The following ASB3 variants were observed in gnomAD, a reference collection of about 807,000 sequenced individuals.
The protein encoded by ASB3 is ankyrin repeat and SOCS box protein 3.
ASB3 carries 41 observed loss-of-function variants against 54.5 expected under a neutral mutation model. The ratio of observed to expected loss-of-function variants is 0.75; its 90% CI spans 0.59 to 0.98. The LOEUF (loss-of-function observed/expected upper bound fraction) is 0.98, where lower values mean the gene tolerates loss of function less well. ASB3 is among the 50% of genes least tolerant of loss of function. ASB3 has a pLI of 0.00. For synonymous variants in ASB3, 266 were observed against 221.2 expected, an observed-to-expected ratio of 1.20 and a Z score of -1.80; for missense variants, 733 against 620.0, an observed-to-expected ratio of 1.18 and a Z score of -1.94.
chr2:53,786,545 G>A (rs1213329250), intron 1 of ASB3: 1 of 152,314 alleles, frequency 6.6e-6, no homozygotes, highest in Non-Finnish European at 1.5e-5. Flanking sequence ...CACAGCAGAA[G>A]AGATGGAGAT....
intron 1 of ASB3, among the ~76,000 whole-genome samples, chr2:53,784,209 A>G (rs1400600304): frequency 2.0e-5 from 3 of 152,236 alleles, no homozygotes; most frequent in Non-Finnish European, 4.4e-5. Flanking sequence ...ATGTTTAAGA[A>G]TCAACCTATA....
intron 1 of ASB3, among the ~76,000 whole-genome samples, chr2:53,772,881 C>G (rs769402814): frequency 6.6e-6 from 1 of 152,082 alleles, no homozygotes; most frequent in Non-Finnish European, 1.5e-5. Flanking sequence ...TCCACCCTCC[C>G]GTAGACCCCA....
At chr2:53,678,650 T>C (rs1668209957) in intron 9 of ASB3, among the ~76,000 whole-genome samples, 1 of 152,180 alleles carries the variant, frequency 6.6e-6, no homozygotes, top group East Asian at 1.9e-4. Context: ...CCTACGGATA[T>C]GTAGGTACAA....
At chr2:53,680,350 A>G (rs1379360128) in intron 9 of ASB3, among the ~76,000 whole-genome samples, 1 of 152,200 alleles carries the variant, frequency 6.6e-6, no homozygotes, top group Non-Finnish European at 1.5e-5. Context: ...AGTAGTTTAC[A>G]CTTCCATCAA....
chr2:53,720,212 G>C (rs564424083), intron 5 of ASB3, among the ~76,000 whole-genome samples: 10 of 151,178 alleles, frequency 6.6e-5, no homozygotes, highest in Admixed American at 6.6e-4. Context: ...ACTTTGAGTT[G>C]TCCCGCTTTT....
chr2:53,720,467 T>C (rs1267280739), intron 5 of ASB3, among the ~76,000 whole-genome samples: 2 of 151,846 alleles, frequency 1.3e-5, no homozygotes, highest in East Asian at 1.9e-4. Context: ...AAATTATATA[T>C]AAAAAAACCA....
At chr2:53,701,356 T>C (rs2103769315) in intron 7 of ASB3, among the ~76,000 whole-genome samples, 1 of 152,368 alleles carries the variant, frequency 6.6e-6, no homozygotes, top group South Asian at 2.1e-4. Flanking sequence ...TAACTTCTAT[T>C]ATTATCTCCA....
intron 3 of ASB3, among the ~76,000 whole-genome samples, chr2:53,742,578 C>T (rs975562009): frequency 6.6e-5 from 10 of 151,826 alleles, no homozygotes; most frequent in Non-Finnish European, 1.0e-4. Context: ...CACTGAAATA[C>T]AAGTGCTCAG....
intron 1 of ASB3, chr2:53,768,232 C>A: frequency 5.4e-6 from 3 of 558,224 alleles, no homozygotes; most frequent in East Asian, 3.1e-5. Flanking sequence ...CTTAAGATGC[C>A]GGTGGTTAGT....
At chr2:53,738,572 T>G (rs977975024) in intron 3 of ASB3, among the ~76,000 whole-genome samples, 1 of 152,186 alleles carries the variant, frequency 6.6e-6, no homozygotes, top group African/African-American at 2.4e-5. Context: ...CAAGTTCTAT[T>G]GGGTAGGACT....
At chr2:53,750,356 G>A (rs1186367526) in intron 3 of ASB3, among the ~76,000 whole-genome samples, 2 of 152,026 alleles carry the variant, frequency 1.3e-5, no homozygotes, top group African/African-American at 4.8e-5. Flanking sequence ...ATCCATACAG[G>A]CAACACATTA....
chr2:53,714,619 A>G (rs1334538969), intron 6 of ASB3, 38 bp from the exon 7 acceptor site: 2 of 1,601,080 alleles, frequency 1.2e-6, no homozygotes, highest in East Asian at 2.2e-5. Context: ...TAGTGTTTGT[A>G]TATGTGCATA....
intron 8 of ASB3, among the ~76,000 whole-genome samples, chr2:53,696,851 C>A (rs149963342): frequency 6.6e-6 from 1 of 152,238 alleles, no homozygotes; most frequent in Non-Finnish European, 1.5e-5. Flanking sequence ...ATAGACTAGA[C>A]ACAAATACTA....
At chr2:53,693,797 G>T in intron 9 of ASB3, 87 bp downstream of exon 9, 3 of 1,510,912 alleles carry the variant, frequency 2.0e-6, no homozygotes, top group Non-Finnish European at 2.7e-6. Flanking sequence ...GTTCACCGAT[G>T]AATCTTATCA....
chr2:53,681,917 T>C (rs979656359), intron 9 of ASB3, among the ~76,000 whole-genome samples: 2 of 152,028 alleles, frequency 1.3e-5, no homozygotes, highest in African/African-American at 4.8e-5. Context: ...CCCAGCACTT[T>C]GGGAGGGTGA....
chr2:53,759,027 A>C (rs780807612), intron 2 of ASB3, among the ~76,000 whole-genome samples: 14 of 152,318 alleles, frequency 9.2e-5, no homozygotes, highest in Middle Eastern at 3.4e-3. Flanking sequence ...GACAGATATA[A>C]TGTTGCTGCT....
At chr2:53,767,718 C>G (rs1309821984) in intron 1 of ASB3, 17 of 744,984 alleles carry the variant, frequency 2.3e-5, no homozygotes, top group Non-Finnish European at 3.4e-5. Context: ...TGACTGAGAT[C>G]CGCTCGGAAA....
At chr2:53,729,325 A>C in intron 4 of ASB3, 133 bp downstream of exon 4, 1 of 769,550 alleles carries the variant, frequency 1.3e-6, no homozygotes, top group Non-Finnish European at 2.1e-6. Flanking sequence ...TAGCATTTAG[A>C]CTGCCTTTTC....
At chr2:53,675,406 A>C (rs770598312) in intron 9 of ASB3, among the ~76,000 whole-genome samples, 18 of 152,148 alleles carry the variant, frequency 1.2e-4, no homozygotes, top group Non-Finnish European at 2.1e-4. Context: ...AAGGTATAAG[A>C]CTCCTTTAAA....
Sources: allele counts gnomAD v4.1 joint callset (sites outside exome capture counted in the v4.1 genomes callset), GRCh38; gene constraint gnomAD v4.1.1; transcripts MANE v1.5; gene names NCBI Gene and HGNC (gene_info 2026-07-23, HGNC 2026-07-21).